KAZN: variants seen among roughly 807,000 people sequenced by gnomAD.
KAZN encodes the protein kazrin, periplakin interacting protein.
A neutral mutation model predicts 87.4 loss-of-function variants in KAZN; 40 were observed. The observed-to-expected ratio is 0.46, with a 90% CI of 0.36 to 0.60. The LOEUF (loss-of-function observed/expected upper bound fraction) is 0.60. Among genes scored for constraint, KAZN ranks in the 20% least tolerant of loss-of-function variants. The pLI, the probability that KAZN is intolerant of heterozygous loss-of-function variation, is 0.00. For synonymous variants in KAZN, 466 were observed against 458.3 expected (o/e 1.02, Z -0.22); for missense variants, 898 against 1,073.9 (o/e 0.84, Z 2.29).
chr1:14,317,465 TA>T (rs931816494), intron 2 of KAZN, among the ~76,000 whole-genome samples: 2 of 152,048 alleles, frequency 1.3e-5, no homozygotes, highest in African/African-American at 2.4e-5. Context: ...TCTTGCTTTC[TA>T]AAAAAATTAG....
chr1:14,025,360 G>A (rs10927997), intron 1 of KAZN, among the ~76,000 whole-genome samples: 27,662 of 152,100 alleles, frequency 0.18, 2,811 homozygotes, highest in African/African-American at 0.25. Context: ...CTGCCTCTTC[G>A]TTATGAGGCT....
In KAZN at chr1:14,372,094, C is replaced by T. The variant is rs573076893; in HGVS notation, c.249+191502C>T. ...GATCTGAACAGACTGAAAACAAGTTCATAACAAGTAAAAGGAATTTTTCTG... is the reference window on the plus strand; with the variant it reads ...GATCTGAACAGACTGAAAACAAGTTTATAACAAGTAAAAGGAATTTTTCTG... On this transcript the variant is annotated intron_variant, in intron 2 of 16. Transcript: ENST00000636203. 2.0e-5 allele frequency among the ~76,000 whole-genome samples: 3 copies of T among 152,230 alleles called. No homozygotes were observed. In the East Asian group the frequency reaches 5.8e-4, roughly 29 times the overall value.
At chr1:14,332,188 A>G (rs987727351) in intron 2 of KAZN, among the ~76,000 whole-genome samples, 3 of 152,142 alleles carry the variant, frequency 2.0e-5, no homozygotes, top group African/African-American at 7.2e-5. Flanking sequence ...ATCAGTTTTG[A>G]TTGCTGTATA....
intron 2 of KAZN, among the ~76,000 whole-genome samples, chr1:14,973,433 C>T (rs1004533323): frequency 7.2e-5 from 11 of 152,186 alleles, no homozygotes; most frequent in African/African-American, 2.4e-4. Context: ...AACAAAGGGG[C>T]ACGAGAGCCT....
At chr1:14,062,557 G>A (rs982649616) in intron 1 of KAZN, among the ~76,000 whole-genome samples, 2 of 152,092 alleles carry the variant, frequency 1.3e-5, no homozygotes, top group Non-Finnish European at 2.9e-5. Context: ...ACAATAAATT[G>A]TAAACACAGC....
At chr1:14,814,901 G>A (rs1244781163) in intron 1 of KAZN, among the ~76,000 whole-genome samples, 1 of 152,208 alleles carries the variant, frequency 6.6e-6, no homozygotes, top group African/African-American at 2.4e-5. Flanking sequence ...GAATGCTGGA[G>A]ATGATTAATA....
At chr1:14,252,021 A>AG (rs1327590987) in intron 2 of KAZN, among the ~76,000 whole-genome samples, 1 of 152,096 alleles carries the variant, frequency 6.6e-6, no homozygotes, top group Non-Finnish European at 1.5e-5. Flanking sequence ...AGGCCAGGAA[A>AG]GGGGGACACT....
chr1:14,264,385 C>T (rs1177978524), intron 2 of KAZN, among the ~76,000 whole-genome samples: 2 of 152,124 alleles, frequency 1.3e-5, no homozygotes, highest in Non-Finnish European at 2.9e-5. Context: ...TTAATGTGTC[C>T]CCTAAAACTT....
intron 1 of KAZN, among the ~76,000 whole-genome samples, chr1:13,959,164 G>C (rs1168527702): frequency 2.0e-5 from 3 of 152,184 alleles, no homozygotes; most frequent in Admixed American, 2.0e-4. Context: ...TTACAGAAGA[G>C]ACCCCAGAGA....
intron 1 of KAZN, among the ~76,000 whole-genome samples, chr1:14,021,575 T>C (rs540764632): frequency 3.9e-5 from 6 of 152,324 alleles, no homozygotes; most frequent in Admixed American, 1.3e-4. Context: ...TCTCTATTTT[T>C]TCCAAGTTCC....
At chr1:14,690,243 G>A (rs986009691) in intron 1 of KAZN, among the ~76,000 whole-genome samples, 6 of 152,094 alleles carry the variant, frequency 3.9e-5, no homozygotes, top group Admixed American at 3.3e-4. Context: ...TTTCTCAAGC[G>A]CTGGTAATAT....
At chr1:14,790,068 T>C (rs1645628950) in intron 1 of KAZN, among the ~76,000 whole-genome samples, 1 of 152,034 alleles carries the variant, frequency 6.6e-6, no homozygotes, top group South Asian at 2.1e-4. Flanking sequence ...AATGGCGCAA[T>C]CTTGACTCAC....
intron 1 of KAZN, among the ~76,000 whole-genome samples, chr1:14,102,151 G>C (rs2101647000): frequency 6.6e-6 from 1 of 152,196 alleles, no homozygotes; most frequent in East Asian, 1.9e-4. Context: ...TGAACTCAAA[G>C]CACAGTTTCA....
At chr1:14,826,683 AT>A (rs894679923) in intron 1 of KAZN, among the ~76,000 whole-genome samples, 1 of 151,534 alleles carries the variant, frequency 6.6e-6, no homozygotes, top group Non-Finnish European at 1.5e-5. Flanking sequence ...TAGCGGCTGG[AT>A]TTTTTTTCAT....
chr1:14,774,723 G>C (rs1307124004), intron 1 of KAZN, among the ~76,000 whole-genome samples: 1 of 152,056 alleles, frequency 6.6e-6, no homozygotes, highest in Non-Finnish European at 1.5e-5. Flanking sequence ...GACCTCAAGT[G>C]ATCCTCCCAC....
chr1:14,269,109 T>G (rs1651719848), intron 2 of KAZN, among the ~76,000 whole-genome samples: 1 of 152,222 alleles, frequency 6.6e-6, no homozygotes, highest in Non-Finnish European at 1.5e-5. Context: ...TCTCTCTGTC[T>G]CTTAAGGGGA....
intron 1 of KAZN, among the ~76,000 whole-genome samples, chr1:14,879,233 T>A (rs947703027): frequency 6.6e-6 from 1 of 152,184 alleles, no homozygotes; most frequent in Non-Finnish European, 1.5e-5. Flanking sequence ...GTGTAACAAC[T>A]AATGGAGTAA....
At position 15,096,794 on chromosome 1, in the gene KAZN, G is replaced by T. The variant is rs1640825902; in HGVS notation, c.1547+1861G>T. ...TAAGGACAATAATCCCATCATGAAG[G>T]GCACCCCTATGACCTCATCTAATCA... On this transcript the variant is annotated intron_variant, in intron 10 of 14. Transcript: ENST00000376030. The surrounding 1 kb of genome is among the most constrained non-coding windows in gnomAD (Gnocchi z 4.5). Among the ~76,000 whole-genome samples, 2 of 152,134 alleles carry T rather than the reference G, an allele frequency of 1.3e-5. No individual in the cohort carries two copies. Among genetic ancestry groups the T allele is most frequent in the Admixed American group, 1.3e-4 (2 of 15,270 alleles).
intron 1 of KAZN, among the ~76,000 whole-genome samples, chr1:14,613,029 C>T (rs1677944371): frequency 6.6e-6 from 1 of 152,080 alleles, no homozygotes; most frequent in Non-Finnish European, 1.5e-5. Context: ...TTTCCAGAAC[C>T]CAGGTCTTTC....
Sources: allele counts gnomAD v4.1 joint callset (sites outside exome capture counted in the v4.1 genomes callset), GRCh38; gene constraint gnomAD v4.1.1; non-coding constraint Gnocchi (gnomAD v3.1); transcripts MANE v1.5; gene names NCBI Gene and HGNC (gene_info 2026-07-23, HGNC 2026-07-21).